Variants in PDE7B observed in about 807,000 individuals in gnomAD.
The protein encoded by PDE7B is phosphodiesterase 7B.
PDE7B carries 29 observed loss-of-function variants against 56.2 expected under a neutral mutation model. That is an observed-to-expected ratio of 0.52 (90% CI 0.38 to 0.70). The LOEUF is 0.70. Ranked by LOEUF, PDE7B falls within the 30% of genes least tolerant of loss-of-function variation. PDE7B has a pLI of 0.00. For synonymous variants in PDE7B, 197 were observed against 196.9 expected, an observed-to-expected ratio of 1.00 and a Z score of 0.00; for missense variants, 490 against 565.0, an observed-to-expected ratio of 0.87 and a Z score of 1.35.
chr6:136,179,005 T>C lies in PDE7B; in HGVS notation c.812T>C (p.Ile271Thr), dbSNP rs1162149529. The C allele has an allele frequency of 4.3e-6, 7 of 1,614,064 alleles. No homozygotes were observed. In the Admixed American group the frequency reaches 5.0e-5, roughly 12 times the overall value. Residue 271 changes from isoleucine (I) to threonine (T), a missense_variant, in exon 10 of 13, where the codon ATT becomes ACT. Physicochemically the swap from Ile to Thr is moderately conservative, Grantham distance 89. Transcript: ENST00000308191. ...AHLPKEMTQDIEQQLGSLILA... is the reference protein window; with the variant it reads ...AHLPKEMTQDTEQQLGSLILA... ...CATTCTTGTGGATGCAGACAGGATA[T>C]TGAACAGCAGCTGGGCTCCTTGATC...
intron 2 of PDE7B, among the ~76,000 whole-genome samples, chr6:136,001,494 G>T (rs1355223999): frequency 6.6e-6 from 1 of 152,176 alleles, no homozygotes; most frequent in African/African-American, 2.4e-5. Context: ...CCAATACAGA[G>T]AAGTGCTTAA....
intron 2 of PDE7B, chr6:136,034,233 C>A (rs1385155571): frequency 6.6e-6 from 1 of 152,086 alleles, no homozygotes; most frequent in African/African-American, 2.4e-5. Flanking sequence ...AAATGCTTAT[C>A]TGCCTAGTGA....
intron 2 of PDE7B, among the ~76,000 whole-genome samples, chr6:135,950,163 C>G (rs538063843): frequency 1.3e-5 from 2 of 152,214 alleles, no homozygotes; most frequent in South Asian, 4.1e-4. Context: ...ATGGTTTATT[C>G]ACTTAAAATA....
At chr6:136,141,644 T>G (rs1329005139) in intron 3 of PDE7B, among the ~76,000 whole-genome samples, 4 of 152,138 alleles carry the variant, frequency 2.6e-5, no homozygotes, top group South Asian at 2.1e-4. Context: ...CAATTTCAGA[T>G]CCTGTTATTG....
intron 11 of PDE7B, among the ~76,000 whole-genome samples, chr6:136,184,503 G>A (rs1000583035): frequency 1.3e-5 from 2 of 151,926 alleles, no homozygotes; most frequent in African/African-American, 4.8e-5. Flanking sequence ...ATATTTCAAG[G>A]GGCTGCCACA....
intron 8 of PDE7B, 27 bp from the exon 9 acceptor site, chr6:136,173,770 T>C: frequency 6.9e-7 from 1 of 1,454,962 alleles, no homozygotes; most frequent in South Asian, 1.1e-5. Flanking sequence ...CCCTCTCATT[T>C]ATAACTCTTA....
At chr6:135,952,859 T>C (rs190469463) in intron 2 of PDE7B, among the ~76,000 whole-genome samples, 5 of 152,296 alleles carry the variant, frequency 3.3e-5, no homozygotes, top group Admixed American at 6.5e-5. Flanking sequence ...AAGTACCAGA[T>C]AAAAGAGAGT....
chr6:136,118,938 A>C (rs1486557872), intron 3 of PDE7B, among the ~76,000 whole-genome samples: 1 of 152,086 alleles, frequency 6.6e-6, no homozygotes, highest in African/African-American at 2.4e-5. Context: ...TATTCCTGCC[A>C]CTCTGGTGGA....
At chr6:135,916,749 C>T (rs1319359362) in intron 1 of PDE7B, among the ~76,000 whole-genome samples, 1 of 151,908 alleles carries the variant, frequency 6.6e-6, no homozygotes, top group East Asian at 1.9e-4. Flanking sequence ...AATTGACTGG[C>T]TTGTAGTTTT....
intron 8 of PDE7B, among the ~76,000 whole-genome samples, chr6:136,161,183 A>G (rs1440648484): frequency 6.6e-6 from 1 of 152,022 alleles, no homozygotes; most frequent in Non-Finnish European, 1.5e-5. Context: ...ATTTGGACAT[A>G]TTTCCCTCCT....
chr6:135,879,464 C>T (rs1172842380), intron 1 of PDE7B, among the ~76,000 whole-genome samples: 3 of 152,014 alleles, frequency 2.0e-5, no homozygotes, highest in Non-Finnish European at 4.4e-5. Flanking sequence ...TATACTGATA[C>T]TGTAAGACTG....
intron 1 of PDE7B, among the ~76,000 whole-genome samples, chr6:135,868,369 C>T (rs1775304275): frequency 6.6e-6 from 1 of 152,182 alleles, no homozygotes; most frequent in Non-Finnish European, 1.5e-5. Flanking sequence ...ATCACCATCA[C>T]CCCCACTCCA....
intron 8 of PDE7B, chr6:136,155,968 G>T (rs1415868350): frequency 1.4e-6 from 1 of 691,372 alleles, no homozygotes; most frequent in South Asian, 1.5e-5. Flanking sequence ...CAGTTTGAAA[G>T]AGGTTTGAGG....
At chr6:136,075,556 A>G (rs1459669869) in intron 2 of PDE7B, among the ~76,000 whole-genome samples, 1 of 152,146 alleles carries the variant, frequency 6.6e-6, no homozygotes, top group Non-Finnish European at 1.5e-5. Context: ...TGTGTGCTCT[A>G]ATTTGCCCTG....
chr6:135,926,626 C>T (rs1562442300), intron 1 of PDE7B, among the ~76,000 whole-genome samples: 1 of 151,952 alleles, frequency 6.6e-6, no homozygotes, highest in Non-Finnish European at 1.5e-5. Context: ...CAGAAAATCC[C>T]TCCTAGGTTT....
intron 1 of PDE7B, among the ~76,000 whole-genome samples, chr6:135,937,437 C>A (rs994870173): frequency 6.6e-6 from 1 of 152,124 alleles, no homozygotes. Flanking sequence ...CCCTTCTAGC[C>A]ATTCTTCATT....
intron 1 of PDE7B, among the ~76,000 whole-genome samples, chr6:135,874,582 A>G (rs547114911): frequency 2.6e-5 from 4 of 152,314 alleles, no homozygotes; most frequent in African/African-American, 9.6e-5. Flanking sequence ...AATGCATTGT[A>G]TTAAGGGAAT....
At chr6:136,120,830 G>A (rs761357195) in intron 3 of PDE7B, among the ~76,000 whole-genome samples, 7 of 152,062 alleles carry the variant, frequency 4.6e-5, no homozygotes, top group Non-Finnish European at 4.4e-5. Flanking sequence ...CAGTGTGGTC[G>A]CCTGGCTCAG....
At chr6:136,010,351 G>A (rs1160324839) in intron 2 of PDE7B, among the ~76,000 whole-genome samples, 1 of 149,734 alleles carries the variant, frequency 6.7e-6, no homozygotes, top group Non-Finnish European at 1.5e-5. Context: ...CCTGCAGGGG[G>A]TATGGCTAGG....
Sources: allele counts gnomAD v4.1 joint callset (sites outside exome capture counted in the v4.1 genomes callset), GRCh38; gene constraint gnomAD v4.1.1; transcripts MANE v1.5; gene names NCBI Gene and HGNC (gene_info 2026-07-23, HGNC 2026-07-21).